The following FAAH2 variants were observed in gnomAD, a reference collection of about 807,000 sequenced individuals.
FAAH2 encodes the protein fatty acid amide hydrolase 2.
In FAAH2, 60 loss-of-function variants were observed where a neutral mutation model predicts 36.9. The ratio of observed to expected loss-of-function variants is 1.63; its 90% confidence interval spans 1.32 to 2.02. The LOEUF is 2.02. Among genes scored for constraint, FAAH2 ranks in the 30% most tolerant of loss-of-function variants. The probability of loss-of-function intolerance (pLI) is 0.00; values close to 1 mark genes in which losing one functional copy is unlikely to be tolerated. For synonymous variants in FAAH2, 214 were observed against 143.8 expected (o/e 1.49, Z -3.49); for missense variants, 689 against 397.5 (o/e 1.73, Z -6.23).
At chrX:57,200,320 T>C in the FAAH2 span, among the ~76,000 whole-genome samples, 1 of 110,401 alleles carries the variant, frequency 9.1e-6, no homozygotes, top group Non-Finnish European at 1.9e-5. Context: ...TAACACTGTT[T>C]GCATCAATAA....
intron 2 of FAAH2, among the ~76,000 whole-genome samples, chrX:57,306,148 C>T (rs2052516690): frequency 9.0e-6 from 1 of 111,711 alleles, no homozygotes; most frequent in South Asian, 3.8e-4. Context: ...AACTTCACAC[C>T]CTTCTGCTTC....
chrX:57,488,938 C>A lies in FAAH2; in HGVS notation c.*6C>A. The A allele has an allele frequency of 8.3e-7, 1 of 1,206,296 alleles. No individual in the cohort carries two copies. Among genetic ancestry groups the A allele is most frequent in the Non-Finnish European group, 1.1e-6 (1 of 893,287 alleles). On this transcript the variant is annotated 3_prime_UTR_variant, in exon 11 of 11. Transcript: ENST00000374900. ...TCTGTCCAGGAAAGTTTTAGGAGGA[C>A]CTTCTGCAAGGTTAATGTGTGTGTG...
At chrX:57,328,975 A>T (rs996351838) in intron 3 of FAAH2, among the ~76,000 whole-genome samples, 4 of 111,642 alleles carry the variant, frequency 3.6e-5, no homozygotes, top group African/African-American at 1.3e-4. Flanking sequence ...AGGTGCTGCC[A>T]GATCACTGGT....
the FAAH2 span, among the ~76,000 whole-genome samples, chrX:57,270,882 G>T: frequency 2.7e-5 from 3 of 112,200 alleles, no homozygotes; most frequent in Non-Finnish European, 5.6e-5. Context: ...TGGGTTTCAA[G>T]CACAAAACTG....
At chrX:57,278,965 G>C in the FAAH2 span, among the ~76,000 whole-genome samples, 162 of 111,986 alleles carry the variant, frequency 1.4e-3, no homozygotes, top group Non-Finnish European at 2.7e-3. Context: ...ACAGATGCTG[G>C]AGAGATGTGG....
At chrX:57,201,485 A>G in the FAAH2 span, among the ~76,000 whole-genome samples, 2 of 110,276 alleles carry the variant, frequency 1.8e-5, no homozygotes, top group East Asian at 5.7e-4. Context: ...TCCTTTGTAT[A>G]TTACTGGTTT....
At chrX:57,387,450 G>A (rs2055053617) in intron 7 of FAAH2, among the ~76,000 whole-genome samples, 1 of 110,999 alleles carries the variant, frequency 9.0e-6, no homozygotes, top group Non-Finnish European at 1.9e-5. Flanking sequence ...TAACATATCA[G>A]CAATAACCAG....
Position 57,377,447 on chromosome X carries a change from G to A in FAAH2, c.743-1204G>A, listed in dbSNP as rs189880186. On this transcript the variant is annotated intron_variant, in intron 5 of 10. Transcript: ENST00000374900. ...TTTTTGTCAGGTTTGTCAAAGACTA[G>A]ATTGTAGTAGATGTGTGGCATTATA... Among the ~76,000 whole-genome samples, 6 of 112,109 alleles carry A rather than the reference G, an allele frequency of 5.4e-5. No homozygotes were observed. The East Asian group carries it at 1.7e-3, about 31-fold the overall frequency.
chrX:57,395,578 G>T (rs2055274825), intron 7 of FAAH2, among the ~76,000 whole-genome samples: 1 of 112,131 alleles, frequency 8.9e-6, no homozygotes, highest in Non-Finnish European at 1.9e-5. Flanking sequence ...TGGTTGTGAA[G>T]AAATGTTGGA....
intron 10 of FAAH2, among the ~76,000 whole-genome samples, chrX:57,466,412 A>T (rs371549890): frequency 9.4e-6 from 1 of 106,268 alleles, no homozygotes; most frequent in East Asian, 2.9e-4. Context: ...GTGTATATAT[A>T]TCTTAATTAA....
At chrX:57,330,370 G>T (rs1250904346) in intron 3 of FAAH2, among the ~76,000 whole-genome samples, 1 of 111,292 alleles carries the variant, frequency 9.0e-6, no homozygotes, top group Non-Finnish European at 1.9e-5. Context: ...GCGCTCCCAG[G>T]CTTATTAGGA....
In FAAH2 at chrX:57,448,506, T is replaced by C. The variant is rs371191066; in HGVS notation, c.1229-18T>C. ...TGAAGTTTATTACCTTAACTTGATA[T>C]ATGATATCATTCTGTAGGACTGGCT... is the stretch of plus-strand genomic sequence containing the variant. On this transcript the variant is annotated intron_variant, in intron 9 of 10. Transcript: ENST00000374900. 3.0e-5 allele frequency: 35 copies of C among 1,184,275 alleles called. No homozygotes were observed. In the African/African-American group the frequency reaches 5.2e-4, roughly 17 times the overall value.
the FAAH2 span, among the ~76,000 whole-genome samples, chrX:57,255,502 T>C: frequency 8.9e-5 from 10 of 112,032 alleles, no homozygotes; most frequent in Non-Finnish European, 1.5e-4. Context: ...ATATCCCTGA[T>C]GAAGATCAAG....
intron 3 of FAAH2, among the ~76,000 whole-genome samples, chrX:57,327,932 C>T: frequency 9.1e-6 from 1 of 109,576 alleles, no homozygotes; most frequent in East Asian, 2.8e-4. Flanking sequence ...TTTAGAGTTT[C>T]TGGTTTTTTT....
At chrX:57,128,712 T>G in the FAAH2 span, among the ~76,000 whole-genome samples, 4 of 111,927 alleles carry the variant, frequency 3.6e-5, no homozygotes, top group Non-Finnish European at 7.5e-5. Context: ...AATATAAAAT[T>G]GTCATGCAAT....
rs112766978 is a variant in FAAH2 at position 57,340,626 on chromosome X, A to C, written c.623-645A>C. Among the ~76,000 whole-genome samples, 469 of 112,067 alleles carry C rather than the reference A, an allele frequency of 4.2e-3. 1 individual carries two copies. The highest frequency in any genetic ancestry group is 0.015 in the African/African-American group (459 of 30,902). Reference sequence around the variant, plus strand: ...CTATTCAGCCATGAAAAGGAACAAGATCATGTCCTTTGCAGGGACATGGAT... The same window carrying C: ...CTATTCAGCCATGAAAAGGAACAAGCTCATGTCCTTTGCAGGGACATGGAT... On this transcript the variant is annotated intron_variant, in intron 4 of 10. Coordinates refer to ENST00000374900, the MANE Select transcript of FAAH2 (RefSeq NM_174912.4).
chrX:57,471,549 C>G (rs2057166487), intron 10 of FAAH2, among the ~76,000 whole-genome samples: 1 of 111,453 alleles, frequency 9.0e-6, no homozygotes, highest in African/African-American at 3.3e-5. Flanking sequence ...TGTGAAGGAC[C>G]TCTTCAAGGA....
At position 57,386,766 on chromosome X, in the gene FAAH2, G is replaced by C. The variant is rs764431835; in HGVS notation, c.996+5737G>C. Among the ~76,000 whole-genome samples, 4 of 112,088 alleles carry C rather than the reference G, an allele frequency of 3.6e-5. No homozygotes were observed. In the South Asian group the frequency reaches 1.5e-3, roughly 41 times the overall value. ...ATTTTCCTAAATGGGTTTTTTCACT[G>C]TTGATACTAATCAAGAGTCTCACTG... On this transcript the variant is annotated intron_variant, in intron 7 of 10. Coordinates refer to ENST00000374900, the MANE Select transcript of FAAH2 (RefSeq NM_174912.4).
At chrX:57,428,855 A>G (rs987223810) in intron 7 of FAAH2, among the ~76,000 whole-genome samples, 1 of 112,413 alleles carries the variant, frequency 8.9e-6, no homozygotes, top group African/African-American at 3.2e-5. Context: ...GACCTTAAAA[A>G]CAAATGCACA....
Sources: gnomAD v4.1 joint callset for allele counts (sites outside exome capture counted in the v4.1 genomes callset) on GRCh38, gnomAD v4.1.1 for gene constraint, MANE v1.5 for transcripts, NCBI Gene and HGNC (gene_info 2026-07-23, HGNC 2026-07-21) for gene names.